AFAP1L2: variants seen among roughly 807,000 people sequenced by gnomAD.
AFAP1L2 encodes the protein actin filament associated protein 1 like 2, also known as actin filament-associated protein 1-like 2.
Under a neutral mutation model 99.3 loss-of-function variants are expected in AFAP1L2, and 46 were observed. The observed-to-expected ratio is 0.46, with a 90% CI of 0.37 to 0.59. The LOEUF is 0.59. AFAP1L2 is among the 20% of genes least tolerant of loss of function. The pLI, the probability that AFAP1L2 is intolerant of heterozygous loss-of-function variation, is 0.00. For synonymous variants in AFAP1L2, 397 were observed against 419.1 expected, an observed-to-expected ratio of 0.95 and a Z score of 0.64; for missense variants, 959 against 1,034.9, an observed-to-expected ratio of 0.93 and a Z score of 1.01.
At chr10:114,311,950 G>A (rs2043309299) in intron 7 of AFAP1L2, among the ~76,000 whole-genome samples, 2 of 152,200 alleles carry the variant, frequency 1.3e-5, no homozygotes. Flanking sequence ...AGCCCCCACT[G>A]CCAAAGCGCA....
At chr10:114,291,240 CACATGGCT>C, downstream of AFAP1L2, 1 of 1,550,296 alleles carries the variant, frequency 6.5e-7, no homozygotes, top group South Asian at 1.2e-5. Flanking sequence ...GCCCCTGAGG[CACATGGCT>C]CCCGTGCAGG....
intron 15 of AFAP1L2, among the ~76,000 whole-genome samples, 197 bp downstream of exon 15, chr10:114,299,997 T>G (rs1400335116): frequency 1.3e-5 from 2 of 152,220 alleles, no homozygotes; most frequent in African/African-American, 4.8e-5. Flanking sequence ...GCTTTGGGAC[T>G]TGGACTGATC....
chr10:114,296,265 C>T (rs140670999), intron 18 of AFAP1L2, 197 bp from the exon 19 acceptor site: 164 of 664,746 alleles, frequency 2.5e-4, no homozygotes, highest in African/African-American at 2.4e-3. Context: ...GGCACAACAG[C>T]GAGTGCCTAT....
chr10:114,284,085 A>G, the AFAP1L2 span, among the ~76,000 whole-genome samples: 1 of 152,212 alleles, frequency 6.6e-6, no homozygotes, highest in Non-Finnish European at 1.5e-5. Context: ...GTAATAATTG[A>G]TAAGGAAAGC....
At chr10:114,312,966 C>T (rs938266578) in intron 7 of AFAP1L2, among the ~76,000 whole-genome samples, 11 of 152,124 alleles carry the variant, frequency 7.2e-5, no homozygotes, top group African/African-American at 9.7e-5. Context: ...GTGCCTCAGG[C>T]GGGTACTGAG....
Position 114,299,325 on chromosome 10 carries a change from C to A in AFAP1L2, c.2048G>T (p.Arg683Leu). The change falls in exon 16 of 19, where the codon CGG (arginine) becomes CTG (leucine). Residue 683 changes from arginine to leucine, a missense_variant. By Grantham distance (102) the Arg-to-Leu change is moderately radical. This residue lies in a region of AFAP1L2 where 576 missense variants were observed against 562.1 expected (regional missense o/e 1.02). Coordinates refer to ENST00000304129, the MANE Select transcript of AFAP1L2 (RefSeq NM_001001936.3). ...TTTCCGGAGCTGAGCCAGGTGCCCC[C>A]GGATTTCTTCCTTCTTCTTTTCAAG... ...ERLEKKKEEI[R>L]GHLAQLRKEK... The A allele has an allele frequency of 6.2e-7, 1 of 1,614,208 alleles. No individual in the cohort carries two copies. The highest frequency in any genetic ancestry group is 1.3e-5 in the African/African-American group (1 of 75,042).
chr10:114,351,956 T>C (rs1045769323), intron 1 of AFAP1L2, among the ~76,000 whole-genome samples: 1 of 152,190 alleles, frequency 6.6e-6, no homozygotes, highest in African/African-American at 2.4e-5. Flanking sequence ...AGCCTCTCTA[T>C]GCTTCAGTTT....
rs1462504491 is a variant in AFAP1L2, at chr10:114,341,430, G to A, written c.17-699C>T. On this transcript the variant is annotated intron_variant, in intron 1 of 18. Transcript: ENST00000304129. ...AGATTGAGACCATCCTGACCAACAG[G>A]GTGAAACCCCCGTCTCTACTAAAAA... is the stretch of plus-strand genomic sequence containing the variant. 5.3e-5 allele frequency among the ~76,000 whole-genome samples: 8 copies of A among 151,948 alleles called. No individual in the cohort carries two copies. The South Asian group carries it at 8.3e-4, about 16-fold the overall frequency.
Position 114,381,171 on chromosome 10 carries a change from G to A in AFAP1L2, c.16+23269C>T, listed in dbSNP as rs559871886. 8.7e-4 allele frequency among the ~76,000 whole-genome samples: 132 copies of A among 152,316 alleles called. 1 individual carries two copies. Among genetic ancestry groups the A allele is most frequent in the African/African-American group, 3.1e-3 (127 of 41,568 alleles). On this transcript the variant is annotated intron_variant, in intron 1 of 18. Transcript: ENST00000304129. Reference sequence around the variant, plus strand: ...GAATGGATAAACAAGAGTTGTTATAGCCATACAACAGAATATTATTAAGCC... The same window carrying A: ...GAATGGATAAACAAGAGTTGTTATAACCATACAACAGAATATTATTAAGCC...
rs11196689 is a variant in AFAP1L2, at chr10:114,315,760, C to T, written c.412G>A (p.Gly138Arg). The change falls in exon 6 of 19, where the codon GGA becomes AGA. Residue 138 changes from glycine to arginine, a missense_variant. Transcript: ENST00000304129. Reference protein sequence around the residue: ...EPYDTSLNEDGEAVSSSYESY... With the variant: ...EPYDTSLNEDREAVSSSYESY... ...TCGTAGGAGCTGCTCACAGCCTCTC[C>T]GTCCTCTGCAAGGAAGACCAGCTCG... 499 of 1,611,028 alleles carry T rather than the reference C, an allele frequency of 3.1e-4. 3 individuals are homozygous for T. The African/African-American group carries it at 5.8e-3, about 19-fold the overall frequency.
At chr10:114,289,339 A>G in the AFAP1L2 span, 3 of 1,614,248 alleles carry the variant, frequency 1.9e-6, no homozygotes, top group Admixed American at 5.0e-5. Flanking sequence ...GCTGAGGAAC[A>G]ATGGCATCTC....
chr10:114,386,425 G>T (rs2056507776), intron 1 of AFAP1L2, among the ~76,000 whole-genome samples: 1 of 152,132 alleles, frequency 6.6e-6, no homozygotes, highest in African/African-American at 2.4e-5. Context: ...AGGAAAAAAG[G>T]AAAAGGTACT....
chr10:114,369,823 C>A (rs1375437742), intron 1 of AFAP1L2, among the ~76,000 whole-genome samples: 1 of 152,040 alleles, frequency 6.6e-6, no homozygotes, highest in African/African-American at 2.4e-5. Flanking sequence ...CTTCATTGTG[C>A]CTCTACCAGA....
chr10:114,385,330 G>A (rs2056357858), intron 1 of AFAP1L2, among the ~76,000 whole-genome samples: 1 of 152,264 alleles, frequency 6.6e-6, no homozygotes, highest in South Asian at 2.1e-4. Context: ...TGATGCTGGG[G>A]CACCTTCTTC....
Position 114,295,651 on chromosome 10 carries a change from A to G in AFAP1L2, c.*391T>C. On this transcript the variant is annotated 3_prime_UTR_variant, in exon 19 of 19. Transcript: ENST00000304129. The stretch of plus-strand genomic sequence containing the variant: ...AGGAGTTTAGGTCTTCTCACTCACC[A>G]AAGACACGTGACCCATAAGACAGGG... 23 of 1,010,512 alleles carry G rather than the reference A, an allele frequency of 2.3e-5. No individual in the cohort carries two copies. The highest frequency in any genetic ancestry group is 2.7e-5 in the Non-Finnish European group (23 of 845,882). 62.6% of individuals were successfully genotyped at this position (1,010,512 alleles called of 1,614,324 possible).
intron 1 of AFAP1L2, among the ~76,000 whole-genome samples, chr10:114,397,306 T>C (rs1225691506): frequency 6.6e-6 from 1 of 152,180 alleles, no homozygotes; most frequent in Non-Finnish European, 1.5e-5. Context: ...TTCCCTATAG[T>C]TTTGCCTTTT....
rs1166523534 is a variant in AFAP1L2 at position 114,306,747 on chromosome 10, C to T, written c.1072+1058G>A. On this transcript the variant is annotated intron_variant, in intron 10 of 18. Transcript: ENST00000304129. ...GAAGGAGAGCAGCTGTATTCTCTCT[C>T]AGCCCTCCCCTAGCCGCAGGAAGCA... Among the ~76,000 whole-genome samples the T allele has an allele frequency of 2.0e-5, 3 of 152,064 alleles. No individual in the cohort carries two copies. The East Asian group carries it at 5.8e-4, about 29-fold the overall frequency.
chr10:114,357,526 T>C (rs963565006), intron 1 of AFAP1L2, among the ~76,000 whole-genome samples: 1 of 152,196 alleles, frequency 6.6e-6, no homozygotes, highest in African/African-American at 2.4e-5. Flanking sequence ...AGTGACTGCA[T>C]AGCCAATATT....
chr10:114,392,848 C>G (rs566868986), intron 1 of AFAP1L2, among the ~76,000 whole-genome samples: 62 of 152,314 alleles, frequency 4.1e-4, no homozygotes, highest in Non-Finnish European at 6.9e-4. Flanking sequence ...TCCAATAGAA[C>G]AAGGTCCTTT....
Sources: allele counts gnomAD v4.1 joint callset (sites outside exome capture counted in the v4.1 genomes callset), GRCh38; gene constraint gnomAD v4.1.1; regional missense constraint gnomAD v4.1.1; transcripts MANE v1.5; gene names NCBI Gene and HGNC (gene_info 2026-07-23, HGNC 2026-07-21).